LTBP1: variants seen among roughly 807,000 people sequenced by gnomAD.
The protein encoded by LTBP1 is latent-transforming growth factor beta-binding protein 1.
LTBP1 carries 129 observed loss-of-function variants against 207.6 expected under a neutral mutation model. That is an observed-to-expected ratio of 0.62 (90% confidence interval 0.54 to 0.72). The LOEUF (loss-of-function observed/expected upper bound fraction) is 0.72, where lower values mean the gene tolerates loss of function less well. Among genes scored for constraint, LTBP1 ranks in the 30% least tolerant of loss-of-function variants. The pLI, the probability that LTBP1 is intolerant of heterozygous loss-of-function variation, is 0.00. For missense variants in LTBP1, 2,281 were observed against 2,217.2 expected (o/e 1.03, Z -0.58); for synonymous variants, 963 against 833.7 (o/e 1.16, Z -2.67).
At position 33,263,320 on chromosome 2, in the gene LTBP1, G is replaced by A; in HGVS notation, c.2545G>A (p.Val849Met). The A allele has an allele frequency of 6.2e-7, 1 of 1,613,584 alleles. No individual in the cohort carries two copies. Among genetic ancestry groups the A allele is most frequent in the Non-Finnish European group, 8.5e-7 (1 of 1,179,652 alleles). ...PVVIEKTSPP[V>M]PVEVAPEAST... ...AGTGATTGAAAAAACATCACCTCCT[G>A]TGCCTGTTGAAGTAGCTCCTGAAGC... The change falls in exon 15 of 34, where the codon GTG (valine) becomes ATG (methionine). Residue 849 changes from valine (V) to methionine (M), a missense_variant. Val to Met is a conservative substitution (Grantham distance 21, BLOSUM62 1). This residue lies in a region of LTBP1 where 1,671 missense variants were observed against 1,634.8 expected (regional missense o/e 1.02). Coordinates refer to ENST00000404816, the MANE Select transcript of LTBP1 (RefSeq NM_206943.4).
intron 19 of LTBP1, among the ~76,000 whole-genome samples, chr2:33,290,389 C>T (rs891214961): frequency 2.6e-5 from 4 of 152,196 alleles, no homozygotes; most frequent in Non-Finnish European, 5.9e-5. Context: ...GGGGCCAAGC[C>T]TTCTGCTATC....
intron 3 of LTBP1, among the ~76,000 whole-genome samples, chr2:33,028,035 G>T (rs1167559455): frequency 1.3e-5 from 2 of 152,146 alleles, no homozygotes; most frequent in Admixed American, 1.3e-4. Context: ...GTGAGGTGAG[G>T]TAGTGTGTTG....
At chr2:33,142,357 CCTTT>C (rs1245036135) in intron 5 of LTBP1, among the ~76,000 whole-genome samples, 1 of 152,066 alleles carries the variant, frequency 6.6e-6, no homozygotes, top group Admixed American at 6.6e-5. Flanking sequence ...GCCGCACGGC[CCTTT>C]CTTCAGCATT....
chr2:33,392,177 G>C (rs1349554853), intron 32 of LTBP1, among the ~76,000 whole-genome samples: 2 of 115,616 alleles, frequency 1.7e-5, no homozygotes, highest in South Asian at 2.7e-4. Context: ...ATAAGGGCCA[G>C]GTAGTATTTT....
chr2:33,396,554 C>T (rs542850202), intron 32 of LTBP1, among the ~76,000 whole-genome samples: 1 of 152,200 alleles, frequency 6.6e-6, no homozygotes, highest in African/African-American at 2.4e-5. Flanking sequence ...CTTTCTCATT[C>T]ATCAGGATGT....
At chr2:33,170,491 C>A (rs2085332212) in intron 5 of LTBP1, among the ~76,000 whole-genome samples, 1 of 152,184 alleles carries the variant, frequency 6.6e-6, no homozygotes, top group Non-Finnish European at 1.5e-5. Context: ...TAGGTAAACA[C>A]AGCAGCCTGG....
intron 3 of LTBP1, among the ~76,000 whole-genome samples, chr2:33,082,862 GTCACTGGGTGGGCATCTGGTCC>G (rs533724261): frequency 1.1e-4 from 17 of 152,090 alleles, no homozygotes; most frequent in Middle Eastern, 3.4e-3. Context: ...GCCTTTGCCG[GTCACTGGGTGGGCATCTGGTCC>G]TCACTGGGTG....
At chr2:33,098,628 C>T (rs1166757474) in intron 3 of LTBP1, among the ~76,000 whole-genome samples, 4 of 151,742 alleles carry the variant, frequency 2.6e-5, no homozygotes, top group East Asian at 1.9e-4. Context: ...TAAGTAGAGA[C>T]GGTGTTTCAC....
chr2:33,304,923 A>C (rs949209295), intron 22 of LTBP1, among the ~76,000 whole-genome samples: 2 of 152,208 alleles, frequency 1.3e-5, no homozygotes, highest in Non-Finnish European at 2.9e-5. Flanking sequence ...TTTAGTGTGG[A>C]GCTTGTGCCA....
intron 5 of LTBP1, among the ~76,000 whole-genome samples, chr2:33,182,699 T>TACACACACACACAC (rs377663333): frequency 1.3e-5 from 1 of 78,830 alleles, no homozygotes; most frequent in Non-Finnish European, 2.8e-5. Context: ...TATATATATA[T>TACACACACACACAC]ACACACACAC....
chr2:33,075,687 C>A (rs1252036538), intron 3 of LTBP1, among the ~76,000 whole-genome samples: 2 of 152,182 alleles, frequency 1.3e-5, no homozygotes, highest in East Asian at 1.9e-4. Flanking sequence ...CTGCCTGTTA[C>A]CAATTTACCT....
intron 26 of LTBP1, among the ~76,000 whole-genome samples, chr2:33,350,888 G>A (rs1487105603): frequency 6.6e-6 from 1 of 152,120 alleles, no homozygotes; most frequent in Non-Finnish European, 1.5e-5. Context: ...ACAAAATGCT[G>A]TTCTTTTCCT....
chr2:32,997,239 G>A (rs1685430777), intron 2 of LTBP1, among the ~76,000 whole-genome samples: 1 of 152,116 alleles, frequency 6.6e-6, no homozygotes, highest in South Asian at 2.1e-4. Context: ...GGCCAGGTGT[G>A]TTGGCTCACT....
intron 17 of LTBP1, 64 bp from the exon 18 acceptor site, chr2:33,275,737 G>A: frequency 2.5e-6 from 4 of 1,592,628 alleles, no homozygotes; most frequent in Non-Finnish European, 3.4e-6. Context: ...TAAGCTGGGA[G>A]ATGGGAGAGG....
intron 3 of LTBP1, among the ~76,000 whole-genome samples, chr2:33,023,071 C>T (rs1265186262): frequency 1.3e-5 from 2 of 152,074 alleles, no homozygotes. Context: ...ACTGTGTGTC[C>T]TTGGAACGGT....
intron 5 of LTBP1, among the ~76,000 whole-genome samples, chr2:33,139,495 G>C (rs1423341536): frequency 6.6e-6 from 1 of 152,212 alleles, no homozygotes; most frequent in African/African-American, 2.4e-5. Context: ...CAGGCGCCCA[G>C]AGAAGGGAAA....
At position 33,224,466 on chromosome 2, in the gene LTBP1, T is replaced by G. The variant is rs185247972; in HGVS notation, c.1876+2315T>G. 2.9e-3 allele frequency among the ~76,000 whole-genome samples: 436 copies of G among 152,336 alleles called. 3 individuals are homozygous for G. Among genetic ancestry groups the G allele is most frequent in the African/African-American group, 0.01 (424 of 41,586 alleles). On this transcript the variant is annotated intron_variant, in intron 9 of 33. Transcript: ENST00000404816. ...TGCCATTTTTTACCATTCATAGATA[T>G]TTGAAGACAGAAGGCTTACTCTCTC...
chr2:33,225,328 T>C (rs1274426645), intron 9 of LTBP1, among the ~76,000 whole-genome samples: 1 of 152,182 alleles, frequency 6.6e-6, no homozygotes. Flanking sequence ...TCTTCCTATT[T>C]AACTGTTGTA....
intron 31 of LTBP1, 147 bp from the exon 32 acceptor site, chr2:33,389,037 G>T: frequency 1.8e-6 from 2 of 1,113,824 alleles, no homozygotes; most frequent in Non-Finnish European, 1.3e-6. Context: ...AAGATATTCA[G>T]ACACTTTCCA....
Sources: gnomAD v4.1 joint callset for allele counts (sites outside exome capture counted in the v4.1 genomes callset) on GRCh38, gnomAD v4.1.1 for gene constraint, gnomAD v4.1.1 regional missense constraint, MANE v1.5 for transcripts, NCBI Gene and HGNC (gene_info 2026-07-23, HGNC 2026-07-21) for gene names.